Variants in LUZP2 observed in about 807,000 individuals in gnomAD.
LUZP2 encodes leucine zipper protein 2.
Under a neutral mutation model 51.6 loss-of-function variants are expected in LUZP2, and 52 were observed. The observed-to-expected ratio is 1.01, with a 90% CI of 0.81 to 1.27. LUZP2 has a LOEUF of 1.27. Ranked by LOEUF, LUZP2 falls within the 50% of genes most tolerant of loss-of-function variation. LUZP2 has a pLI of 0.00. For missense variants in LUZP2, 436 were observed against 395.4 expected (o/e 1.10, Z -0.87); for synonymous variants, 154 against 137.3 (o/e 1.12, Z -0.85).
rs113040631 is a variant in LUZP2 at position 24,810,526 on chromosome 11, G to A, written c.396+47218G>A. Among the ~76,000 whole-genome samples the A allele has an allele frequency of 2.8e-3, 419 of 152,074 alleles. 2 individuals are homozygous for A. The highest frequency in any genetic ancestry group is 9.5e-3 in the African/African-American group (394 of 41,442). On this transcript the variant is annotated intron_variant, in intron 5 of 11. Transcript: ENST00000336930. ...TGAGAAACTAGAATTTGTCCATTCC[G>A]TCCGACAAATGTTATTGTCTATCAT...
intron 1 of LUZP2, among the ~76,000 whole-genome samples, chr11:24,555,457 A>T (rs577929178): frequency 6.6e-6 from 1 of 152,296 alleles, no homozygotes; most frequent in South Asian, 2.1e-4. Context: ...CATCTTTATT[A>T]TACAAATACG....
intron 5 of LUZP2, among the ~76,000 whole-genome samples, chr11:24,865,210 C>G (rs984663383): frequency 2.6e-5 from 4 of 152,170 alleles, no homozygotes; most frequent in African/African-American, 9.7e-5. Flanking sequence ...GGCTTATTCC[C>G]TCTCAGGTAA....
chr11:24,571,379 C>T (rs1852437994), intron 1 of LUZP2, among the ~76,000 whole-genome samples: 1 of 152,018 alleles, frequency 6.6e-6, no homozygotes, highest in Admixed American at 6.6e-5. Context: ...ATTTTACCCT[C>T]CCACAATGTC....
At chr11:24,819,152 C>T (rs954534512) in intron 5 of LUZP2, among the ~76,000 whole-genome samples, 1 of 151,828 alleles carries the variant, frequency 6.6e-6, no homozygotes, top group Non-Finnish European at 1.5e-5. Flanking sequence ...GGAAGGGAGG[C>T]AAATATAATG....
Position 24,729,154 on chromosome 11 carries a change from T to A in LUZP2, c.63-15T>A, listed in dbSNP as rs1393398554. On this transcript the variant is annotated splice_polypyrimidine_tract_variant and intron_variant, in intron 1 of 11. Coordinates refer to ENST00000336930, the MANE Select transcript of LUZP2 (RefSeq NM_001009909.4). ...ACCATTTGGGGGGCTCTCATGCCTGTTCTTTCTGTGTTAGACAGGACTATG... is the reference window on the plus strand; with the variant it reads ...ACCATTTGGGGGGCTCTCATGCCTGATCTTTCTGTGTTAGACAGGACTATG... 67 of 1,429,392 alleles carry A rather than the reference T, an allele frequency of 4.7e-5. No individual in the cohort carries two copies. The highest frequency in any genetic ancestry group is 6.1e-5 in the Non-Finnish European group (65 of 1,058,022). The allele number at this position is 1,429,392 out of a possible 1,614,324, so 88.5% of individuals were successfully genotyped here. A position where few individuals can be genotyped will look rare whatever the true frequency, so the allele number is the denominator to read the frequency against.
chr11:24,568,083 C>G (rs1852300557), intron 1 of LUZP2, among the ~76,000 whole-genome samples: 1 of 151,970 alleles, frequency 6.6e-6, no homozygotes, highest in Non-Finnish European at 1.5e-5. Context: ...TTTTAGATTC[C>G]AAAATGCGAA....
chr11:24,957,473 A>G (rs1010786089), intron 7 of LUZP2, among the ~76,000 whole-genome samples: 15 of 151,970 alleles, frequency 9.9e-5, no homozygotes, highest in Admixed American at 6.6e-5. Context: ...ATTCCAATTG[A>G]GGCTTTGTAC....
At chr11:24,976,915 C>T (rs1453564630) in intron 8 of LUZP2, among the ~76,000 whole-genome samples, 2 of 151,680 alleles carry the variant, frequency 1.3e-5, no homozygotes, top group Non-Finnish European at 1.5e-5. Flanking sequence ...CCATTTTTCA[C>T]CTCACTGGTA....
intron 9 of LUZP2, among the ~76,000 whole-genome samples, chr11:25,020,754 C>A (rs1452744338): frequency 6.6e-6 from 1 of 150,728 alleles, no homozygotes. Flanking sequence ...CAAATTAGGA[C>A]CCTCTAATAA....
At chr11:24,984,549 T>TATATATATATATATATATATAAAA (rs60530495) in intron 9 of LUZP2, among the ~76,000 whole-genome samples, 6 of 71,202 alleles carry the variant, frequency 8.4e-5, no homozygotes, top group African/African-American at 2.9e-4. Flanking sequence ...TATATATATA[T>TATATATATATATATATATATAAAA]AATTGTGAAT....
intron 4 of LUZP2, among the ~76,000 whole-genome samples, chr11:24,756,213 C>T (rs762574533): frequency 5.3e-4 from 80 of 152,278 alleles, no homozygotes; most frequent in Admixed American, 8.5e-4. Flanking sequence ...CCAATGTGTA[C>T]CTCACATGTA....
intron 1 of LUZP2, among the ~76,000 whole-genome samples, chr11:24,558,926 G>T (rs1424681486): frequency 6.6e-6 from 1 of 152,200 alleles, no homozygotes; most frequent in South Asian, 2.1e-4. Flanking sequence ...AATTTTGGTT[G>T]TTTATAAATT....
At chr11:24,892,009 G>A (rs1852869946) in intron 5 of LUZP2, 1 of 985,476 alleles carries the variant, frequency 1.0e-6, no homozygotes, top group African/African-American at 1.7e-5. Flanking sequence ...TGGTAGTGCA[G>A]GCTGGCTCTT....
At chr11:25,030,728 T>C (rs546366539) in intron 9 of LUZP2, among the ~76,000 whole-genome samples, 8 of 150,346 alleles carry the variant, frequency 5.3e-5, no homozygotes, top group East Asian at 2.0e-4. Flanking sequence ...CATTTTGAGA[T>C]ATGACTATGT....
chr11:24,859,950 G>A (rs1366311903), intron 5 of LUZP2, among the ~76,000 whole-genome samples: 3 of 145,482 alleles, frequency 2.1e-5, no homozygotes, highest in African/African-American at 7.7e-5. Context: ...AGAGGGAGGG[G>A]CGACAAGAAA....
At chr11:24,646,427 T>C (rs1855464120) in intron 1 of LUZP2, among the ~76,000 whole-genome samples, 1 of 152,092 alleles carries the variant, frequency 6.6e-6, no homozygotes, top group Non-Finnish European at 1.5e-5. Context: ...AGAAATACTA[T>C]TATTGACATT....
At chr11:24,571,983 G>A (rs1169513274) in intron 1 of LUZP2, among the ~76,000 whole-genome samples, 2 of 151,754 alleles carry the variant, frequency 1.3e-5, no homozygotes, top group East Asian at 3.9e-4. Context: ...ATAATTTTAT[G>A]CTAATAAGCA....
At chr11:24,989,607 A>G (rs900906063) in intron 9 of LUZP2, among the ~76,000 whole-genome samples, 2 of 152,110 alleles carry the variant, frequency 1.3e-5, no homozygotes, top group Non-Finnish European at 2.9e-5. Flanking sequence ...ACTCTGTGAA[A>G]GCCATCCTGA....
At chr11:24,791,796 A>C (rs1343744087) in intron 5 of LUZP2, among the ~76,000 whole-genome samples, 10 of 152,172 alleles carry the variant, frequency 6.6e-5, no homozygotes, top group Admixed American at 6.5e-4. Context: ...TGTTATTTAC[A>C]GAGTTTTGCA....
Sources: gnomAD v4.1 joint callset for allele counts (sites outside exome capture counted in the v4.1 genomes callset) on GRCh38, gnomAD v4.1.1 for gene constraint, MANE v1.5 for transcripts, NCBI Gene and HGNC (gene_info 2026-07-23, HGNC 2026-07-21) for gene names.